Variants in CAPS2 observed in about 807,000 individuals in gnomAD.
The protein encoded by CAPS2 is calcyphosine 2.
A neutral mutation model predicts 86.5 loss-of-function variants in CAPS2; 98 were observed. That is an observed-to-expected ratio of 1.13 (90% CI 0.96 to 1.34). The LOEUF (loss-of-function observed/expected upper bound fraction) is 1.34. Among genes scored for constraint, CAPS2 ranks in the 40% most tolerant of loss-of-function variants. The probability of loss-of-function intolerance (pLI) is 0.00; values close to 1 mark genes in which losing one functional copy is unlikely to be tolerated. For missense variants in CAPS2, 729 were observed against 686.8 expected (o/e 1.06, Z -0.69); for synonymous variants, 210 against 225.1 (o/e 0.93, Z 0.60).
In CAPS2 at chr12:75,281,225, A is replaced by C. The variant is rs189851775; in HGVS notation, c.1612+1026T>G. 2.6e-4 allele frequency among the ~76,000 whole-genome samples: 39 copies of C among 152,076 alleles called. No individual in the cohort carries two copies. The East Asian group carries it at 5.6e-3, about 22-fold the overall frequency. ...CAATGTAATTTGGAAGTATCACTTAAAATTTTAAATGCAGACATCCCAGTA... is the reference window on the plus strand; with the variant it reads ...CAATGTAATTTGGAAGTATCACTTACAATTTTAAATGCAGACATCCCAGTA... On this transcript the variant is annotated intron_variant, in intron 16 of 16. Transcript: ENST00000393284.
upstream of CAPS2, chr12:75,335,046 TG>T: frequency 2.8e-6 from 2 of 718,716 alleles, no homozygotes; most frequent in South Asian, 3.9e-5. Context: ...ACACCTTGGT[TG>T]GGCTGTCTCC....
intron 7 of CAPS2, chr12:75,305,709 A>C: frequency 1.5e-6 from 1 of 671,222 alleles, no homozygotes; most frequent in South Asian, 1.4e-5. Context: ...CAGAAGGCGC[A>C]CGACGAGCTC....
chr12:75,372,588 C>G (rs769055466), intron 1 of CAPS2, among the ~76,000 whole-genome samples: 1 of 152,090 alleles, frequency 6.6e-6, no homozygotes, highest in Non-Finnish European at 1.5e-5. Flanking sequence ...CCACTTCCAC[C>G]CTTTGATGCC....
At chr12:75,285,188 T>C in intron 14 of CAPS2, 108 bp from the exon 15 acceptor site, 1 of 1,015,004 alleles carries the variant, frequency 9.9e-7, no homozygotes, top group Non-Finnish European at 1.4e-6. Context: ...ATATAACTCA[T>C]TTAATAAGAA....
exon 17 of CAPS2, chr12:75,278,554 T>C (rs1168828304): frequency 2.0e-6 from 2 of 1,005,200 alleles, no homozygotes; most frequent in Admixed American, 6.0e-5. Context: ...TATTGTTTGA[T>C]GCAGATGTAA....
intron 1 of CAPS2, among the ~76,000 whole-genome samples, chr12:75,372,684 C>T (rs2044437962): frequency 6.6e-6 from 1 of 152,144 alleles, no homozygotes; most frequent in Non-Finnish European, 1.5e-5. Context: ...AAGAACTTTG[C>T]CCCAGCTCTG....
intron 1 of CAPS2, among the ~76,000 whole-genome samples, chr12:75,382,074 C>T (rs1416957132): frequency 1.3e-5 from 2 of 152,172 alleles, no homozygotes; most frequent in African/African-American, 4.8e-5. Flanking sequence ...TGCTTTTCTC[C>T]TTTAATGCTT....
intron 8 of CAPS2, 95 bp downstream of exon 8, chr12:75,304,658 GAAAC>G: frequency 2.2e-6 from 2 of 917,758 alleles, no homozygotes; most frequent in Admixed American, 7.3e-5. Context: ...AGAAAAAAGT[GAAAC>G]AAACACAAAA....
At chr12:75,363,217 AC>A (rs1300364496) in intron 1 of CAPS2, 1 of 1,027,642 alleles carries the variant, frequency 9.7e-7, no homozygotes, top group African/African-American at 1.7e-5. Flanking sequence ...ATATATAATT[AC>A]ATTTAGAGAG....
At chr12:75,350,510 G>A (rs916101085) in intron 1 of CAPS2, among the ~76,000 whole-genome samples, 1 of 152,172 alleles carries the variant, frequency 6.6e-6, no homozygotes, top group Non-Finnish European at 1.5e-5. Context: ...TGCCATCTTT[G>A]CTGTTCTGCC....
chr12:75,321,289 T>C, intron 5 of CAPS2, 111 bp downstream of exon 5: 2 of 666,528 alleles, frequency 3.0e-6, no homozygotes, highest in East Asian at 2.8e-5. Flanking sequence ...AAATGTTAGC[T>C]ATTATACTTA....
intron 8 of CAPS2, among the ~76,000 whole-genome samples, chr12:75,303,445 G>A (rs1212660390): frequency 3.3e-5 from 5 of 152,206 alleles, no homozygotes; most frequent in Admixed American, 6.5e-5. Flanking sequence ...TATAGCAGGG[G>A]AAATGAATAG....
intron 5 of CAPS2, among the ~76,000 whole-genome samples, chr12:75,321,101 C>T (rs566756309): frequency 1.0e-3 from 156 of 152,138 alleles, no homozygotes; most frequent in Non-Finnish European, 1.5e-3. Flanking sequence ...ATACATAATA[C>T]TGTCTTATTT....
chr12:75,369,463 ATTT>A, intron 1 of CAPS2: 11 of 935,782 alleles, frequency 1.2e-5, no homozygotes, highest in Non-Finnish European at 1.4e-5. Flanking sequence ...TTAATTAATT[ATTT>A]TTTTAAGTAG....
chr12:75,378,789 CA>C (rs1414783860), intron 1 of CAPS2, among the ~76,000 whole-genome samples: 2 of 152,160 alleles, frequency 1.3e-5, no homozygotes, highest in Admixed American at 6.5e-5. Flanking sequence ...CTAGTACAAC[CA>C]AACAACTGGT....
chr12:75,355,689 G>A (rs375205525), intron 1 of CAPS2, among the ~76,000 whole-genome samples: 85 of 152,204 alleles, frequency 5.6e-4, no homozygotes, highest in South Asian at 5.4e-3. Context: ...TAGGTTCAGC[G>A]CAGCACTATT....
At chr12:75,361,429 T>C (rs1008286466) in intron 1 of CAPS2, among the ~76,000 whole-genome samples, 12 of 152,188 alleles carry the variant, frequency 7.9e-5, no homozygotes, top group African/African-American at 2.9e-4. Context: ...AGGTGGGGTT[T>C]CACCAGGAAC....
chr12:75,369,377 G>A (rs1470617316), intron 1 of CAPS2: 2 of 258,610 alleles, frequency 7.7e-6, no homozygotes, highest in African/African-American at 4.6e-5. Context: ...ACAATAAAAG[G>A]GATTTTATTT....
At chr12:75,383,291 G>T (rs910164975) in intron 1 of CAPS2, among the ~76,000 whole-genome samples, 1 of 152,096 alleles carries the variant, frequency 6.6e-6, no homozygotes, top group Non-Finnish European at 1.5e-5. Context: ...GAAACCAAAT[G>T]AGATGCTTTT....
Sources: gnomAD v4.1 joint callset for allele counts (sites outside exome capture counted in the v4.1 genomes callset) on GRCh38, gnomAD v4.1.1 for gene constraint, MANE v1.5 for transcripts, NCBI Gene and HGNC (gene_info 2026-07-23, HGNC 2026-07-21) for gene names.